Variants in UBE2E2 observed in about 807,000 individuals in gnomAD.
UBE2E2 encodes ubiquitin conjugating enzyme E2 E2.
UBE2E2 carries 6 observed loss-of-function variants against 24.7 expected under a neutral mutation model. The observed-to-expected ratio is 0.24, with a 90% confidence interval of 0.13 to 0.48. UBE2E2 has a LOEUF of 0.48. Ranked by LOEUF, UBE2E2 falls within the 20% of genes least tolerant of loss-of-function variation. UBE2E2 has a pLI of 0.99. For synonymous variants in UBE2E2, 104 were observed against 83.6 expected (o/e 1.24, Z -1.33); for missense variants, 169 against 245.0 (o/e 0.69, Z 2.07).
At chr3:23,284,043 A>G (rs1698549933) in intron 3 of UBE2E2, among the ~76,000 whole-genome samples, 1 of 152,168 alleles carries the variant, frequency 6.6e-6, no homozygotes, top group Non-Finnish European at 1.5e-5. Flanking sequence ...GAATAAACCC[A>G]TTTTGTGAGT....
intron 3 of UBE2E2, among the ~76,000 whole-genome samples, chr3:23,256,249 G>T (rs976290071): frequency 6.6e-6 from 1 of 152,132 alleles, no homozygotes; most frequent in African/African-American, 2.4e-5. Context: ...AAGTTAATAG[G>T]ATTGTATTTA....
At chr3:23,473,142 A>G (rs1699062306) in intron 3 of UBE2E2, among the ~76,000 whole-genome samples, 1 of 152,058 alleles carries the variant, frequency 6.6e-6, no homozygotes, top group Admixed American at 6.5e-5. Flanking sequence ...TTTAAATTAA[A>G]TGGGAGCAGA....
At chr3:23,270,980 T>C (rs1343292527) in intron 3 of UBE2E2, 1 of 456,778 alleles carries the variant, frequency 2.2e-6, no homozygotes, top group Non-Finnish European at 4.4e-6. Context: ...CTTGCATCTC[T>C]TCTAACTTGT....
intron 3 of UBE2E2, among the ~76,000 whole-genome samples, chr3:23,299,445 A>G (rs1188616696): frequency 2.6e-5 from 4 of 151,108 alleles, no homozygotes; most frequent in Non-Finnish European, 5.9e-5. Flanking sequence ...CCCTCTACAC[A>G]CTGCTTTGAA....
At position 23,355,219 on chromosome 3, in the gene UBE2E2, G is replaced by C. The variant is rs2125325336; in HGVS notation, c.227+137907G>C. Among the ~76,000 whole-genome samples the C allele has an allele frequency of 2.7e-5, 4 of 149,106 alleles. 1 individual carries two copies. In the South Asian group the frequency reaches 8.8e-4, roughly 33 times the overall value. On this transcript the variant is annotated intron_variant, in intron 3 of 5. Transcript: ENST00000396703. The stretch of plus-strand genomic sequence containing the variant: ...ACAGGAAGGGGAACCTCACACTCTG[G>C]GGACTGGTGGGGGGTTGGGGGAGGG...
intron 3 of UBE2E2, among the ~76,000 whole-genome samples, chr3:23,322,804 T>C (rs57869672): frequency 0.33 from 49,553 of 151,756 alleles, 8,328 homozygotes; most frequent in South Asian, 0.37. Context: ...AAATACAGTG[T>C]ATTTTCTCTA....
chr3:23,537,772 G>T (rs529151971), intron 5 of UBE2E2, among the ~76,000 whole-genome samples: 5 of 152,074 alleles, frequency 3.3e-5, no homozygotes, highest in Non-Finnish European at 5.9e-5. Flanking sequence ...CTTATCTTTG[G>T]ATTAGTTATG....
chr3:23,381,121 ATCT>A (rs1211245444), intron 3 of UBE2E2, among the ~76,000 whole-genome samples: 5 of 152,292 alleles, frequency 3.3e-5, no homozygotes, highest in South Asian at 2.1e-4. Context: ...CTTTTAGATA[ATCT>A]TCTTATAAAT....
At chr3:23,216,454 A>G (rs758478412) in intron 2 of UBE2E2, among the ~76,000 whole-genome samples, 1 of 152,176 alleles carries the variant, frequency 6.6e-6, no homozygotes, top group Non-Finnish European at 1.5e-5. Flanking sequence ...TAATAACCCC[A>G]TATTTAAGAA....
intron 3 of UBE2E2, among the ~76,000 whole-genome samples, chr3:23,296,832 G>A (rs184833446): frequency 0.01 from 1,543 of 152,260 alleles, 33 homozygotes; most frequent in African/African-American, 0.036. Context: ...CCAGTAATGG[G>A]ATGGCTGGGT....
At chr3:23,328,662 CT>C (rs11433089) in intron 3 of UBE2E2, among the ~76,000 whole-genome samples, 109 of 145,406 alleles carry the variant, frequency 7.5e-4, no homozygotes, top group South Asian at 3.9e-3. Flanking sequence ...CTCTCTCTCT[CT>C]TTTTTTTTTT....
intron 3 of UBE2E2, among the ~76,000 whole-genome samples, chr3:23,270,520 G>A (rs777438735): frequency 1.3e-5 from 2 of 152,116 alleles, no homozygotes; most frequent in African/African-American, 4.8e-5. Flanking sequence ...TGCAGGGCTC[G>A]TTCTGTTCTC....
chr3:23,509,776 G>A (rs191004570), intron 4 of UBE2E2, among the ~76,000 whole-genome samples: 2,371 of 130,588 alleles, frequency 0.018, 40 homozygotes, highest in Non-Finnish European at 0.026. Context: ...CCCTTCCTGT[G>A]TCCAAATGTT....
At chr3:23,582,887 GTGTGTGT>G in intron 5 of UBE2E2, among the ~76,000 whole-genome samples, 1 of 147,710 alleles carries the variant, frequency 6.8e-6, no homozygotes. Context: ...GTGTGTGTGT[GTGTGTGT>G]TGTGTGTTTG....
chr3:23,435,597 A>G (rs1458162666), intron 3 of UBE2E2, among the ~76,000 whole-genome samples: 1 of 152,242 alleles, frequency 6.6e-6, no homozygotes, highest in Admixed American at 6.5e-5. Context: ...TTGGGAACAG[A>G]GTAAACAACT....
At chr3:23,261,493 T>A (rs1228202358) in intron 3 of UBE2E2, among the ~76,000 whole-genome samples, 3 of 152,168 alleles carry the variant, frequency 2.0e-5, no homozygotes, top group Non-Finnish European at 4.4e-5. Flanking sequence ...CATTAGGATG[T>A]ACTCTCTTAG....
chr3:23,323,130 A>T (rs1415646263), intron 3 of UBE2E2, among the ~76,000 whole-genome samples: 1 of 152,096 alleles, frequency 6.6e-6, no homozygotes, highest in African/African-American at 2.4e-5. Flanking sequence ...TTTGTGCTGT[A>T]CTGTTGATAA....
chr3:23,528,514 TC>T (rs1322189345), intron 4 of UBE2E2, among the ~76,000 whole-genome samples: 1 of 152,152 alleles, frequency 6.6e-6, no homozygotes, highest in Non-Finnish European at 1.5e-5. Context: ...TTCTTGAAGT[TC>T]CTGCCTCTTT....
chr3:23,479,985 A>G (rs1474497398), intron 3 of UBE2E2, among the ~76,000 whole-genome samples: 1 of 152,188 alleles, frequency 6.6e-6, no homozygotes, highest in Non-Finnish European at 1.5e-5. Flanking sequence ...TTTGCTCAGA[A>G]CTGGCAGCCC....
Sources: allele counts gnomAD v4.1 joint callset (sites outside exome capture counted in the v4.1 genomes callset), GRCh38; gene constraint gnomAD v4.1.1; transcripts MANE v1.5; gene names NCBI Gene and HGNC (gene_info 2026-07-23, HGNC 2026-07-21).